Variants in PRAMEF15 observed in about 807,000 individuals in gnomAD.
PRAMEF15 encodes the protein PRAME family member 9/15.
PRAMEF15 carries 21 observed loss-of-function variants against 35.3 expected under a neutral mutation model. The ratio of observed to expected loss-of-function variants is 0.59; its 90% CI spans 0.42 to 0.86. The LOEUF is 0.86. Ranked by LOEUF, PRAMEF15 falls within the 40% of genes least tolerant of loss-of-function variation. PRAMEF15 has a pLI of 0.00. For missense variants in PRAMEF15, 360 were observed against 574.1 expected (o/e 0.63, Z 3.81); for synonymous variants, 122 against 223.3 (o/e 0.55, Z 4.05).
intron 3 of PRAMEF15, among the ~76,000 whole-genome samples, chr1:13,320,722 C>A (rs1276490212): frequency 6.6e-6 from 1 of 152,074 alleles, no homozygotes; most frequent in Non-Finnish European, 1.5e-5. Flanking sequence ...CCACGCCCAG[C>A]CAACAAGATA....
At chr1:13,316,507 A>G (rs1311508348) in intron 1 of PRAMEF15, among the ~76,000 whole-genome samples, 15 of 151,746 alleles carry the variant, frequency 9.9e-5, no homozygotes, top group African/African-American at 2.2e-4. Context: ...CCAAATGGAG[A>G]CATGGCTGTG....
chr1:13,318,470 G>C lies in PRAMEF15; in HGVS notation c.63G>C (p.Arg21Ser). 1 of 1,614,080 alleles carries C rather than the reference G, an allele frequency of 6.2e-7. No individual in the cohort carries two copies. The highest frequency in any genetic ancestry group is 8.5e-7 in the Non-Finnish European group (1 of 1,180,032). Reference sequence around the variant, plus strand: ...AGCTTGCAGGGCGGAGCCTGCTGAGGGACCAAGCTTTGGCCATGTCCACCC... The same window carrying C: ...AGCTTGCAGGGCGGAGCCTGCTGAGCGACCAAGCTTTGGCCATGTCCACCC... The part of the protein sequence containing the change: ...LLELAGRSLL[R>S]DQALAMSTLE... Residue 21 changes from arginine (R) to serine (S), a missense_variant, in exon 2 of 4, where the codon AGG becomes AGC. Physicochemically the swap from Arg to Ser is moderately radical, Grantham distance 110. Coordinates refer to ENST00000376152, the MANE Select transcript of PRAMEF15 (RefSeq NM_001098376.3).
Position 13,321,824 on chromosome 1 carries a change from A to C in PRAMEF15, c.997A>C (p.Ile333Leu), listed in dbSNP as rs1640087896. The change falls in exon 4 of 4, where the codon ATC (isoleucine) becomes CTC (leucine). Residue 333 changes from isoleucine (I) to leucine (L), a missense_variant. Physicochemically the swap from Ile to Leu is conservative, Grantham distance 5 (BLOSUM62 2). Around this residue, in one of 8 missense-constraint regions of PRAMEF15, gnomAD observed 72 missense variants for 79.9 expected, o/e 0.90. Transcript: ENST00000376152. ...SQLKTLDLSGIRLTNYSLVPL... is the reference protein window; with the variant it reads ...SQLKTLDLSGLRLTNYSLVPL... ...ACTAAAGACCCTGGACCTGAGTGGC[A>C]TCAGACTGACCAATTATAGTCTTGT... is the stretch of plus-strand genomic sequence containing the variant. 1 of 1,608,136 alleles carries C rather than the reference A, an allele frequency of 6.2e-7. No individual in the cohort carries two copies. The highest frequency in any genetic ancestry group is 1.3e-5 in the African/African-American group (1 of 74,166).
intron 1 of PRAMEF15, among the ~76,000 whole-genome samples, chr1:13,317,362 A>T (rs879026782): frequency 2.0e-5 from 3 of 151,748 alleles, no homozygotes; most frequent in Non-Finnish European, 4.4e-5. Context: ...GAGTCACTGC[A>T]CCCAGCCAAA....
At position 13,318,662 on chromosome 1, in the gene PRAMEF15, T is replaced by A. The variant is rs1172285415; in HGVS notation, c.255T>A (p.Asp85Glu). 2 of 1,613,464 alleles carry A rather than the reference T, an allele frequency of 1.2e-6. No individual in the cohort carries two copies. The highest frequency in any genetic ancestry group is 2.7e-5 in the African/African-American group (2 of 74,810). ...PCLEAFQAVL[D>E]GLDALLTQGV... ...TGGAGGCCTTCCAAGCTGTGCTCGA[T>A]GGGCTTGATGCACTGCTTACCCAAG... The change falls in exon 2 of 4, where the codon GAT becomes GAA. Residue 85 changes from aspartate (D) to glutamate (E), a missense_variant. Around this residue, in one of 8 missense-constraint regions of PRAMEF15, gnomAD observed 5 missense variants for 67.7 expected, o/e 0.07. Transcript: ENST00000376152.
chr1:13,320,924 T>A (rs1640075428), intron 3 of PRAMEF15, among the ~76,000 whole-genome samples: 2 of 152,090 alleles, frequency 1.3e-5, no homozygotes, highest in South Asian at 4.1e-4. Flanking sequence ...AGGCAATGCA[T>A]GATTCTGAAA....
chr1:13,315,859 G>C (rs1639995967), intron 1 of PRAMEF15, among the ~76,000 whole-genome samples: 1 of 151,436 alleles, frequency 6.6e-6, no homozygotes, highest in East Asian at 1.9e-4. Context: ...TGCTTTGGTT[G>C]ATGCCATTTT....
chr1:13,321,032 G>C (rs1640077445), intron 3 of PRAMEF15, among the ~76,000 whole-genome samples: 1 of 152,010 alleles, frequency 6.6e-6, no homozygotes, highest in Non-Finnish European at 1.5e-5. Flanking sequence ...GCCCACCCCA[G>C]CTGATGTTGC....
rs1272311193 is a variant in PRAMEF15, at chr1:13,321,982, C to G, written c.1155C>G (p.Phe385Leu). 436 of 1,611,208 alleles carry G rather than the reference C, an allele frequency of 2.7e-4. 4 individuals are homozygous for G. Among genetic ancestry groups the G allele is most frequent in the Admixed American group, 2.1e-3 (128 of 59,900 alleles). ...GCCGCTGCTTTGAGCTCAACACCTT[C>G]AGCTTCTGTGGAAATCCCATCTGCA... ...ALSRCFELNT[F>L]SFCGNPICMA... is the part of the protein sequence containing the mutation. The change falls in exon 4 of 4, where the codon TTC (phenylalanine) becomes TTG (leucine). Residue 385 changes from phenylalanine (F) to leucine (L), a missense_variant. This residue lies in a region of PRAMEF15 where 147 missense variants were observed against 123.5 expected (regional missense o/e 1.19). Coordinates refer to ENST00000376152, the MANE Select transcript of PRAMEF15 (RefSeq NM_001098376.3).
At chr1:13,319,251 G>C in intron 2 of PRAMEF15, 121 bp from the exon 3 acceptor site, 1 of 1,530,276 alleles carries the variant, frequency 6.5e-7, no homozygotes, top group Non-Finnish European at 8.8e-7. Context: ...GGAAAACAGA[G>C]TGAAGAAAAG....
At chr1:13,320,438 T>C (rs1640069110) in intron 3 of PRAMEF15, among the ~76,000 whole-genome samples, 2 of 152,060 alleles carry the variant, frequency 1.3e-5, no homozygotes, top group African/African-American at 2.4e-5. Context: ...ACTTTTTTTT[T>C]CTGAGATGGA....
intron 3 of PRAMEF15, among the ~76,000 whole-genome samples, chr1:13,321,485 G>T (rs1204397905): frequency 6.6e-6 from 1 of 151,812 alleles, no homozygotes; most frequent in Non-Finnish European, 1.5e-5. Context: ...AAAGTGCTGG[G>T]ATTACAGGTG....
intron 1 of PRAMEF15, among the ~76,000 whole-genome samples, chr1:13,317,021 C>A (rs1323449454): frequency 6.7e-6 from 1 of 150,132 alleles, no homozygotes; most frequent in Admixed American, 6.6e-5. Context: ...TTAAGAAAGC[C>A]AAAAATCCAA....
At chr1:13,320,949 G>C (rs1441868253) in intron 3 of PRAMEF15, among the ~76,000 whole-genome samples, 2 of 152,092 alleles carry the variant, frequency 1.3e-5, no homozygotes, top group Admixed American at 6.6e-5. Context: ...GGGTCAGGGA[G>C]CAGGCACAAA....
intron 1 of PRAMEF15, among the ~76,000 whole-genome samples, chr1:13,317,415 A>G (rs1160241006): frequency 1.1e-4 from 16 of 151,940 alleles, no homozygotes; most frequent in Non-Finnish European, 2.2e-4. Context: ...CATTGGAAAC[A>G]TCTATCTTGC....
intron 1 of PRAMEF15, among the ~76,000 whole-genome samples, chr1:13,316,558 A>T (rs1460538200): frequency 6.6e-6 from 1 of 152,020 alleles, no homozygotes; most frequent in Non-Finnish European, 1.5e-5. Context: ...GGAAGGCTGA[A>T]GCATGAGAAT....
At chr1:13,321,648 C>T (rs1640085051) in intron 3 of PRAMEF15, 55 bp from the exon 4 acceptor site, 1 of 1,586,760 alleles carries the variant, frequency 6.3e-7, no homozygotes, top group Admixed American at 1.7e-5. Context: ...TTCCCCACCA[C>T]CCTCCACTCA....
rs1481076482 is a variant in PRAMEF15, at chr1:13,321,927, C to G, written c.1100C>G (p.Ser367Cys). Reference sequence around the variant, plus strand: ...TTAGATGACTGTGGCATCATAGACTCCCAAGTCAACGCCATCCTGCCTGCC... The same window carrying G: ...TTAGATGACTGTGGCATCATAGACTGCCAAGTCAACGCCATCCTGCCTGCC... ...LDLDDCGIID[S>C]QVNAILPALS... Residue 367 changes from serine to cysteine, a missense_variant, in exon 4 of 4, where the codon TCC (serine) becomes TGC (cysteine). By Grantham distance (112) the Ser-to-Cys change is moderately radical. This residue lies in a region of PRAMEF15 where 7 missense variants were observed against 23.0 expected (regional missense o/e 0.30). Coordinates refer to ENST00000376152, the MANE Select transcript of PRAMEF15 (RefSeq NM_001098376.3). The G allele has an allele frequency of 1.9e-6, 3 of 1,610,992 alleles. No homozygotes were observed. Among genetic ancestry groups the G allele is most frequent in the Non-Finnish European group, 1.7e-6 (2 of 1,179,652 alleles).
At chr1:13,321,403 G>A (rs1216470774) in intron 3 of PRAMEF15, among the ~76,000 whole-genome samples, 2 of 151,430 alleles carry the variant, frequency 1.3e-5, no homozygotes, top group Non-Finnish European at 2.9e-5. Context: ...TTAGTAGAGA[G>A]GAGGTTTTAC....
Sources: gnomAD v4.1 joint callset for allele counts (sites outside exome capture counted in the v4.1 genomes callset) on GRCh38, gnomAD v4.1.1 for gene constraint, gnomAD v4.1.1 regional missense constraint, MANE v1.5 for transcripts, NCBI Gene and HGNC (gene_info 2026-07-23, HGNC 2026-07-21) for gene names.